The following LMBR1 variants were observed in gnomAD, a reference collection of about 807,000 sequenced individuals.
LMBR1 encodes limb region 1 protein homolog.
LMBR1 carries 52 observed loss-of-function variants against 73.9 expected under a neutral mutation model. The ratio of observed to expected loss-of-function variants is 0.70; its 90% confidence interval spans 0.56 to 0.89. The LOEUF is 0.89. LMBR1 is among the 40% of genes least tolerant of loss of function. The probability of loss-of-function intolerance (pLI) is 0.00; values close to 1 mark genes in which losing one functional copy is unlikely to be tolerated. For missense variants in LMBR1, 539 were observed against 579.8 expected (o/e 0.93, Z 0.72); for synonymous variants, 215 against 209.4 (o/e 1.03, Z -0.23).
intron 1 of LMBR1, among the ~76,000 whole-genome samples, chr7:156,845,143 T>C (rs1359666830): frequency 6.6e-6 from 1 of 152,180 alleles, no homozygotes; most frequent in Non-Finnish European, 1.5e-5. Flanking sequence ...CCTGATTATT[T>C]GAATGTATCA....
chr7:156,803,960 A>G (rs907328083), intron 4 of LMBR1, among the ~76,000 whole-genome samples: 5 of 123,998 alleles, frequency 4.0e-5, no homozygotes, highest in African/African-American at 1.5e-4. Context: ...ACATGGACAC[A>G]GGAAGGGGAA....
Position 156,681,555 on chromosome 7 carries a change from A to C in LMBR1, c.*2523T>G, listed in dbSNP as rs1052843386. The C allele has an allele frequency of 2.6e-5, 4 of 154,086 alleles. No individual in the cohort carries two copies. Among genetic ancestry groups the C allele is most frequent in the African/African-American group, 9.6e-5 (4 of 41,486 alleles). The allele number at this position is 154,086 out of a possible 1,614,324, so 9.5% of individuals were successfully genotyped here. A position where few individuals can be genotyped will look rare whatever the true frequency, so the allele number is the denominator to read the frequency against. Reference sequence around the variant, plus strand: ...AAATAATTTATTTAAGTATTGCAGAACCAATTAATAAGAATCTGCAAGTTT... The same window carrying C: ...AAATAATTTATTTAAGTATTGCAGACCCAATTAATAAGAATCTGCAAGTTT... On this transcript the variant is annotated 3_prime_UTR_variant, in exon 17 of 17. Coordinates refer to ENST00000353442, the MANE Select transcript of LMBR1 (RefSeq NM_022458.4).
chr7:156,787,677 G>T (rs1380479422), intron 5 of LMBR1, among the ~76,000 whole-genome samples: 1 of 152,094 alleles, frequency 6.6e-6, no homozygotes, highest in Non-Finnish European at 1.5e-5. Flanking sequence ...ACATTTCAAG[G>T]AGTTATTTCC....
intron 1 of LMBR1, among the ~76,000 whole-genome samples, chr7:156,888,748 A>C (rs1802378947): frequency 1.3e-5 from 2 of 151,584 alleles, no homozygotes; most frequent in South Asian, 4.2e-4. Context: ...CAAAAACCCC[A>C]TCTCTACAAA....
chr7:156,868,965 G>A (rs370793662), intron 1 of LMBR1, among the ~76,000 whole-genome samples: 6 of 152,016 alleles, frequency 3.9e-5, no homozygotes, highest in East Asian at 1.9e-4. Flanking sequence ...ACCCTGTCTC[G>A]AAAAACAATA....
chr7:156,744,920 T>C (rs1018244548), intron 9 of LMBR1, among the ~76,000 whole-genome samples: 7 of 152,152 alleles, frequency 4.6e-5, no homozygotes, highest in Non-Finnish European at 8.8e-5. Flanking sequence ...CTTGAGTCAC[T>C]CCGACCTCTT....
intron 5 of LMBR1, among the ~76,000 whole-genome samples, chr7:156,789,433 A>G (rs1828799948): frequency 1.3e-5 from 2 of 152,216 alleles, no homozygotes; most frequent in Non-Finnish European, 2.9e-5. Context: ...ACAGGCTAAA[A>G]TATTACCTAA....
chr7:156,875,294 C>G (rs1799989138), intron 1 of LMBR1, among the ~76,000 whole-genome samples: 1 of 152,048 alleles, frequency 6.6e-6, no homozygotes, highest in Non-Finnish European at 1.5e-5. Context: ...AAAAAATGAA[C>G]AACGCCTCCA....
intron 1 of LMBR1, chr7:156,872,182 A>G (rs972629750): frequency 2.6e-5 from 4 of 152,142 alleles, no homozygotes; most frequent in Admixed American, 6.5e-5. Flanking sequence ...CTTGTAATGC[A>G]GTGAGCACTG....
chr7:156,752,442 A>G (rs1585560025), intron 9 of LMBR1, among the ~76,000 whole-genome samples: 3 of 152,194 alleles, frequency 2.0e-5, no homozygotes, highest in African/African-American at 7.2e-5. Flanking sequence ...AGAGAGTCAG[A>G]AAGAGGAGAA....
intron 5 of LMBR1, among the ~76,000 whole-genome samples, chr7:156,767,427 ATTATC>A (rs1824293236): frequency 6.6e-6 from 1 of 152,170 alleles, no homozygotes; most frequent in Non-Finnish European, 1.5e-5. Context: ...ATAATTTTTT[ATTATC>A]TTATACATTA....
Position 156,680,992 on chromosome 7 carries a change from CAATT to C in LMBR1, c.*3082_*3085del, listed in dbSNP as rs1300392940. 1.3e-5 allele frequency: 4 copies of C among 309,080 alleles called. No homozygotes were observed. Among genetic ancestry groups the C allele is most frequent in the African/African-American group, 6.9e-5 (3 of 43,340 alleles). The allele number at this position is 309,080 out of a possible 1,614,324, so 19.1% of individuals were successfully genotyped here. A position where few individuals can be genotyped will look rare whatever the true frequency, so the allele number is the denominator to read the frequency against. ...AACAAAACAATCTGTAAACAAAAAT[CAATT>C]ACTAGTGTGTCCAAATGTTATTTTT... On this transcript the variant is annotated 3_prime_UTR_variant, in exon 17 of 17. Coordinates refer to ENST00000353442, the MANE Select transcript of LMBR1 (RefSeq NM_022458.4).
intron 1 of LMBR1, among the ~76,000 whole-genome samples, chr7:156,870,194 A>T (rs956468185): frequency 1.3e-5 from 2 of 152,224 alleles, no homozygotes; most frequent in African/African-American, 4.8e-5. Flanking sequence ...AGACTTCAAT[A>T]ACACTGTAGA....
intron 5 of LMBR1, among the ~76,000 whole-genome samples, chr7:156,778,095 G>A (rs927080333): frequency 2.0e-5 from 3 of 152,016 alleles, no homozygotes. Flanking sequence ...ATACTCACAT[G>A]TTTAAGCAGT....
chr7:156,874,678 A>G (rs1799896806), intron 1 of LMBR1, among the ~76,000 whole-genome samples: 1 of 152,214 alleles, frequency 6.6e-6, no homozygotes. Flanking sequence ...CTGAGTGGCT[A>G]CATCCAAAAG....
chr7:156,725,611 G>A, intron 13 of LMBR1, 86 bp from the exon 14 acceptor site: 1 of 1,241,854 alleles, frequency 8.1e-7, no homozygotes, highest in South Asian at 1.4e-5. Flanking sequence ...AAGGCCCATA[G>A]GAAAAGCAAA....
chr7:156,781,853 G>A (rs979330401), intron 5 of LMBR1, among the ~76,000 whole-genome samples: 23 of 152,024 alleles, frequency 1.5e-4, no homozygotes, highest in Non-Finnish European at 2.5e-4. Flanking sequence ...GTTCACCATC[G>A]TAACCATTTT....
intron 15 of LMBR1, among the ~76,000 whole-genome samples, chr7:156,704,353 G>T (rs1395200948): frequency 6.6e-6 from 1 of 152,206 alleles, no homozygotes; most frequent in East Asian, 1.9e-4. Context: ...TATAGCCAAA[G>T]AAATCATGCA....
At position 156,856,821 on chromosome 7, in the gene LMBR1, T is replaced by C. The variant is rs117039131; in HGVS notation, c.67-19936A>G. ...GACAACAATTTATTGAAAGTAATAA[T>C]AACAATAATGTATTTGGTGATAACA... On this transcript the variant is annotated intron_variant, in intron 1 of 16. Coordinates refer to ENST00000353442, the MANE Select transcript of LMBR1 (RefSeq NM_022458.4). 2.1e-3 allele frequency among the ~76,000 whole-genome samples: 319 copies of C among 152,146 alleles called. 7 individuals are homozygous for C. In the East Asian group the frequency reaches 0.033, roughly 16 times the overall value.
Sources: allele counts gnomAD v4.1 joint callset (sites outside exome capture counted in the v4.1 genomes callset), GRCh38; gene constraint gnomAD v4.1.1; transcripts MANE v1.5; gene names NCBI Gene and HGNC (gene_info 2026-07-23, HGNC 2026-07-21).